Variants in PRR14L observed in about 807,000 individuals in gnomAD.
PRR14L encodes the protein proline rich 14 like, also known as protein PRR14L.
In PRR14L, 80 loss-of-function variants were observed where a neutral mutation model predicts 155.0. The observed-to-expected ratio is 0.52, with a 90% CI of 0.43 to 0.62. The LOEUF (loss-of-function observed/expected upper bound fraction) is 0.62, where lower values mean the gene tolerates loss of function less well. PRR14L is among the 20% of genes least tolerant of loss of function. The probability of loss-of-function intolerance (pLI) is 0.00; values close to 1 mark genes in which losing one functional copy is unlikely to be tolerated. For synonymous variants in PRR14L, 883 were observed against 916.0 expected (o/e 0.96, Z 0.65); for missense variants, 2,469 against 2,548.0 (o/e 0.97, Z 0.67).
At chr22:31,704,597 T>C (rs991682772) in intron 5 of PRR14L, 58 bp downstream of exon 5, 6 of 1,418,646 alleles carry the variant, frequency 4.2e-6, no homozygotes, top group Non-Finnish European at 6.0e-6. Context: ...GTATGCACTC[T>C]CTCTCTTGCA....
At chr22:31,740,452 T>G (rs556664732) in intron 1 of PRR14L, among the ~76,000 whole-genome samples, 7 of 152,188 alleles carry the variant, frequency 4.6e-5, no homozygotes, top group African/African-American at 1.7e-4. Context: ...ACTCCTGACC[T>G]CGTGATCTGT....
rs1456943502 is a variant in PRR14L, at chr22:31,703,535, G to A, written c.6000+15C>T. On this transcript the variant is annotated intron_variant, in intron 6 of 8. Coordinates refer to ENST00000327423, the MANE Select transcript of PRR14L (RefSeq NM_173566.3). ...ATGCCACCATCATCTGACCCAACCAGCACTTTACACTTACCTCTTTCTGTT... is the reference window on the plus strand; with the variant it reads ...ATGCCACCATCATCTGACCCAACCAACACTTTACACTTACCTCTTTCTGTT... 6.2e-7 allele frequency: 1 copy of A among 1,608,418 alleles called. No homozygotes were observed. The highest frequency in any genetic ancestry group is 8.5e-7 in the Non-Finnish European group (1 of 1,177,550).
chr22:31,684,695 G>C lies in PRR14L; in HGVS notation c.*832C>G, dbSNP rs564029784. On this transcript the variant is annotated 3_prime_UTR_variant, in exon 9 of 9. Transcript: ENST00000327423. ...AGGAAAAATGTCTCTTCCATGCAGC[G>C]ATCAACTGGGTCAAATGCCTATCAT... The C allele has an allele frequency of 6.6e-6, 1 of 152,112 alleles. No individual in the cohort carries two copies. Among genetic ancestry groups the C allele is most frequent in the East Asian group, 1.9e-4 (1 of 5,198 alleles). The allele number at this position is 152,112 out of a possible 1,614,324, so 9.4% of individuals were successfully genotyped here. A position where few individuals can be genotyped will look rare whatever the true frequency, so the allele number is the denominator to read the frequency against.
chr22:31,730,936 A>AG (rs2147872300), intron 2 of PRR14L, among the ~76,000 whole-genome samples: 1 of 152,308 alleles, frequency 6.6e-6, no homozygotes, highest in Non-Finnish European at 1.5e-5. Context: ...TTGCTGCAAA[A>AG]GTAAGTGTCG....
chr22:31,733,618 A>C (rs940961425), intron 2 of PRR14L, among the ~76,000 whole-genome samples: 2 of 152,062 alleles, frequency 1.3e-5, no homozygotes, highest in Non-Finnish European at 2.9e-5. Flanking sequence ...GGTTTCCTTA[A>C]AGTGTTCGGT....
At chr22:31,686,880 A>G (rs1224858785) in intron 8 of PRR14L, among the ~76,000 whole-genome samples, 1 of 152,242 alleles carries the variant, frequency 6.6e-6, no homozygotes, top group Non-Finnish European at 1.5e-5. Flanking sequence ...AACAGTGGGC[A>G]TTTAATAAAT....
At chr22:31,686,260 G>A (rs1353627679) in intron 8 of PRR14L, among the ~76,000 whole-genome samples, 3 of 149,670 alleles carry the variant, frequency 2.0e-5, no homozygotes, top group Admixed American at 2.0e-4. Flanking sequence ...CACCACGCCC[G>A]GCTAATTTTT....
Position 31,725,563 on chromosome 22 carries a change from G to A in PRR14L, c.522C>T (p.Leu174=). ...CTTTGCTCCTTAGAAAATCTTCAGG[G>A]AGGTCCACATGTGAAAGTTCTTTGC... ...QSSKELSHVD[L]PEDFLRSKEG... The change falls in exon 3 of 9, where the codon CTC becomes CTT. Residue 174 remains leucine, a synonymous_variant. Transcript: ENST00000327423. 2 of 1,550,980 alleles carry A rather than the reference G, an allele frequency of 1.3e-6. No individual in the cohort carries two copies. The highest frequency in any genetic ancestry group is 8.7e-7 in the Non-Finnish European group (1 of 1,146,384).
In PRR14L at chr22:31,738,524, T is replaced by C. The variant is rs1264508796; in HGVS notation, c.337A>G (p.Arg113Gly). 4 of 1,552,046 alleles carry C rather than the reference T, an allele frequency of 2.6e-6. No individual in the cohort carries two copies. Among genetic ancestry groups the C allele is most frequent in the East Asian group, 2.4e-5 (1 of 40,920 alleles). ...VASGILDRAK[R>G]SESMEPKVFR... Reference sequence around the variant, plus strand: ...ACCTTTGGCTCCATGCTCTCGCTTCTCTTTGCCCTATCCAAGATCCCAGAT... The same window carrying C: ...ACCTTTGGCTCCATGCTCTCGCTTCCCTTTGCCCTATCCAAGATCCCAGAT... The change falls in exon 2 of 9, where the codon AGA becomes GGA. Residue 113 changes from arginine (R) to glycine (G), a missense_variant. Transcript: ENST00000327423.
At chr22:31,737,549 A>C (rs993759269) in intron 2 of PRR14L, among the ~76,000 whole-genome samples, 1 of 151,898 alleles carries the variant, frequency 6.6e-6, no homozygotes, top group African/African-American at 2.4e-5. Flanking sequence ...ACACTTTCAG[A>C]AGCCGAGGTG....
At chr22:31,717,658 T>G (rs2074667538) in intron 3 of PRR14L, among the ~76,000 whole-genome samples, 1 of 152,200 alleles carries the variant, frequency 6.6e-6, no homozygotes, top group Non-Finnish European at 1.5e-5. Context: ...CAATAACAGC[T>G]TATTTTACTA....
rs144848951 is a variant in PRR14L, at chr22:31,742,863, T to C, written c.-51-3952A>G. On this transcript the variant is annotated intron_variant, in intron 1 of 8. Coordinates refer to ENST00000327423, the MANE Select transcript of PRR14L (RefSeq NM_173566.3). ...GGATAAACAAAATGTGGTATAGCCC[T>C]ACAATGGAATATTATTCAGCCATAA... Among the ~76,000 whole-genome samples, 47 of 152,290 alleles carry C rather than the reference T, an allele frequency of 3.1e-4. No individual in the cohort carries two copies. In the East Asian group the frequency reaches 8.5e-3, roughly 27 times the overall value.
chr22:31,702,413 GTT>G (rs1299124481), intron 6 of PRR14L, among the ~76,000 whole-genome samples: 8 of 152,076 alleles, frequency 5.3e-5, no homozygotes, highest in Non-Finnish European at 7.4e-5. Context: ...TAGAAACAGG[GTT>G]TCTCCATGTT....
chr22:31,733,804 C>T (rs530198422), intron 2 of PRR14L, among the ~76,000 whole-genome samples: 4 of 152,018 alleles, frequency 2.6e-5, no homozygotes, highest in South Asian at 4.2e-4. Context: ...AGTCAAAAAG[C>T]GACACCCTTA....
intron 4 of PRR14L, among the ~76,000 whole-genome samples, chr22:31,711,444 G>A (rs958141118): frequency 2.6e-5 from 4 of 151,660 alleles, no homozygotes; most frequent in South Asian, 2.1e-4. Context: ...GCATTCCAGC[G>A]TGGGTGACAA....
chr22:31,699,867 AG>A (rs1000130793), intron 7 of PRR14L, among the ~76,000 whole-genome samples: 3 of 151,894 alleles, frequency 2.0e-5, no homozygotes, highest in African/African-American at 7.2e-5. Flanking sequence ...TGCAGCTTCA[AG>A]GGTTTTTTTT....
chr22:31,698,058 T>G (rs945474486), intron 7 of PRR14L, among the ~76,000 whole-genome samples: 68 of 74,438 alleles, frequency 9.1e-4, no homozygotes, highest in African/African-American at 2.1e-3. Context: ...GATGTTGTAA[T>G]TCTTTTTTTT....
rs368664858 is a variant in PRR14L, at chr22:31,714,526, G to A, written c.3313C>T (p.His1105Tyr). The change falls in exon 4 of 9, where the codon CAT becomes TAT. Residue 1105 changes from histidine to tyrosine, a missense_variant. Around this residue, in one of 2 missense-constraint regions of PRR14L, gnomAD observed 2,363 missense variants for 2,371.6 expected, o/e 1.00. Coordinates refer to ENST00000327423, the MANE Select transcript of PRR14L (RefSeq NM_173566.3). The stretch of plus-strand genomic sequence containing the variant: ...GAATCCTGACCAGTTGTTCCTGTAT[G>A]TGCAGCATCCAGTTCTCTCCGAGAC... Reference protein sequence around the residue: ...TLSRRELDAAHTGTTGQDSDF... With the variant: ...TLSRRELDAAYTGTTGQDSDF... 5.7e-5 allele frequency: 88 copies of A among 1,552,122 alleles called. No homozygotes were observed. The South Asian group carries it at 9.3e-4, about 16-fold the overall frequency.
At chr22:31,742,422 C>T (rs1481823135) in intron 1 of PRR14L, among the ~76,000 whole-genome samples, 1 of 151,028 alleles carries the variant, frequency 6.6e-6, no homozygotes, top group Non-Finnish European at 1.5e-5. Flanking sequence ...GGATGAAGTG[C>T]AGTGGTGCCA....
Sources: allele counts gnomAD v4.1 joint callset (sites outside exome capture counted in the v4.1 genomes callset), GRCh38; gene constraint gnomAD v4.1.1; regional missense constraint gnomAD v4.1.1; transcripts MANE v1.5; gene names NCBI Gene and HGNC (gene_info 2026-07-23, HGNC 2026-07-21).